The following BCLAF1 variants were observed in gnomAD, a reference collection of about 807,000 sequenced individuals.
The protein encoded by BCLAF1 is BCL2 associated transcription factor 1, also known as bcl-2-associated transcription factor 1.
In BCLAF1, 10 loss-of-function variants were observed where a neutral mutation model predicts 99.5. The ratio of observed to expected loss-of-function variants is 0.10; its 90% CI spans 0.06 to 0.17. BCLAF1 has a LOEUF of 0.17. Ranked by LOEUF, BCLAF1 falls within the 10% of genes least tolerant of loss-of-function variation. BCLAF1 has a pLI of 1.00. For missense variants in BCLAF1, 636 were observed against 1,105.8 expected (o/e 0.58, Z 6.02); for synonymous variants, 255 against 370.9 (o/e 0.69, Z 3.59).
At chr6:136,284,317 G>GT (rs1250893571) in intron 1 of BCLAF1, among the ~76,000 whole-genome samples, 1 of 151,592 alleles carries the variant, frequency 6.6e-6, no homozygotes, top group African/African-American at 2.4e-5. Flanking sequence ...ATATATTCAA[G>GT]TATCCACACC....
At chr6:136,267,688 A>G (rs1259432527) in intron 10 of BCLAF1, among the ~76,000 whole-genome samples, 1 of 151,972 alleles carries the variant, frequency 6.6e-6, no homozygotes. Context: ...AACGACTTAC[A>G]GAAACATGGG....
intron 1 of BCLAF1, among the ~76,000 whole-genome samples, chr6:136,284,040 T>A (rs746488116): frequency 7.3e-5 from 11 of 150,944 alleles, no homozygotes; most frequent in Non-Finnish European, 1.6e-4. Flanking sequence ...CTCCTAGAAG[T>A]GGTACAAGGC....
Position 136,276,043 on chromosome 6 carries a change from A to T in BCLAF1, c.1482T>A (p.Thr494=), listed in dbSNP as rs566817028. 6.2e-7 allele frequency: 1 copy of T among 1,605,036 alleles called. No homozygotes were observed. The highest frequency in any genetic ancestry group is 1.7e-4 in the Middle Eastern group (1 of 5,990). Residue 494 remains threonine, a synonymous_variant, in exon 5 of 13, where the codon ACT becomes ACA. Transcript: ENST00000531224. ...CAGACTTTACCTGCTCAGGTGACTG[A>T]GTTTCTTTCTTTACTGTTATTCTTT... ...NSERITVKKE[T]QSPEQVKSEK... is the part of the protein sequence containing the mutation.
chr6:136,272,289 T>C (rs988632022), intron 7 of BCLAF1, among the ~76,000 whole-genome samples: 1 of 151,934 alleles, frequency 6.6e-6, no homozygotes, highest in Non-Finnish European at 1.5e-5. Context: ...TATTTTTATA[T>C]AGAAGTGAAG....
At chr6:136,273,282 T>C in intron 6 of BCLAF1, 95 bp from the exon 7 acceptor site, 2 of 1,054,802 alleles carry the variant, frequency 1.9e-6, no homozygotes, top group Non-Finnish European at 2.8e-6. Context: ...GAAAAGAAAA[T>C]AAAAATAAGA....
At chr6:136,281,791 A>G (rs191669636) in intron 2 of BCLAF1, among the ~76,000 whole-genome samples, 57 of 152,338 alleles carry the variant, frequency 3.7e-4, no homozygotes, top group Non-Finnish European at 6.0e-4. Context: ...GGAATTCTGT[A>G]GGCTTTTTCA....
At chr6:136,267,996 T>G (rs1398036520) in intron 10 of BCLAF1, among the ~76,000 whole-genome samples, 166 bp downstream of exon 10, 1 of 151,942 alleles carries the variant, frequency 6.6e-6, no homozygotes, top group African/African-American at 2.4e-5. Context: ...ATGGCATTTC[T>G]AAATGAAGAC....
At chr6:136,288,487 A>G (rs530902945) in intron 1 of BCLAF1, among the ~76,000 whole-genome samples, 162 of 152,340 alleles carry the variant, frequency 1.1e-3, no homozygotes, top group African/African-American at 3.8e-3. Flanking sequence ...TTCCAACTAA[A>G]GTCGAACTGA....
At chr6:136,268,024 T>C (rs1374397442) in intron 10 of BCLAF1, 138 bp downstream of exon 10, 1 of 854,924 alleles carries the variant, frequency 1.2e-6, no homozygotes, top group Non-Finnish European at 1.7e-6. Context: ...CAAACACCAC[T>C]TCATGTTTCA....
chr6:136,278,781 A>G lies in BCLAF1; in HGVS notation c.105-5T>C. 2.0e-6 allele frequency: 3 copies of G among 1,500,014 alleles called. No individual in the cohort carries two copies. The highest frequency in any genetic ancestry group is 8.9e-7 in the Non-Finnish European group (1 of 1,127,508). 92.9% of individuals were successfully genotyped at this position (1,500,014 alleles called of 1,614,324 possible). On this transcript the variant is annotated splice_region_variant and splice_polypyrimidine_tract_variant and intron_variant, in intron 3 of 12. Coordinates refer to ENST00000531224, the MANE Select transcript of BCLAF1 (RefSeq NM_014739.3). ...GTTCTGGAACGAGACCTAGAACTAA[A>G]AATGAAATAAATATCAATGCAAGAA...
At chr6:136,283,224 T>C (rs1584101595) in intron 1 of BCLAF1, among the ~76,000 whole-genome samples, 1 of 151,088 alleles carries the variant, frequency 6.6e-6, no homozygotes, top group African/African-American at 2.4e-5. Context: ...TAGTTAATTT[T>C]CATAATGCTC....
intron 3 of BCLAF1, 81 bp from the exon 4 acceptor site, chr6:136,278,857 T>C (rs1313366553): frequency 7.7e-7 from 1 of 1,301,500 alleles, no homozygotes; most frequent in Admixed American, 2.9e-5. Flanking sequence ...GAATATAACA[T>C]GTAAATAAAC....
chr6:136,278,246 A>G lies in BCLAF1; in HGVS notation c.635T>C (p.Ile212Thr). 1.2e-6 allele frequency: 2 copies of G among 1,614,150 alleles called. No individual in the cohort carries two copies. The highest frequency in any genetic ancestry group is 1.7e-6 in the Non-Finnish European group (2 of 1,179,996). ...FNKSSATSGDIWPGLSAYDNS... is the reference protein window; with the variant it reads ...FNKSSATSGDTWPGLSAYDNS... Reference sequence around the variant, plus strand: ...ATCATAAGCTGAAAGGCCAGGCCAAATATCACCGGATGTGGCTGATGACTT... The same window carrying G: ...ATCATAAGCTGAAAGGCCAGGCCAAGTATCACCGGATGTGGCTGATGACTT... Residue 212 changes from isoleucine to threonine, a missense_variant, in exon 4 of 13, where the codon ATT becomes ACT. Coordinates refer to ENST00000531224, the MANE Select transcript of BCLAF1 (RefSeq NM_014739.3).
chr6:136,269,741 T>C lies in BCLAF1; in HGVS notation c.2044-129A>G, dbSNP rs1015032828. On this transcript the variant is annotated intron_variant, in intron 8 of 12. Transcript: ENST00000531224. ...TTTAGTATCAGAAAATAATGAATCA[T>C]ATAAGATACTATCACTTAGTTTTTG... 2.9e-5 allele frequency: 17 copies of C among 590,318 alleles called. No individual in the cohort carries two copies. In the South Asian group the frequency reaches 6.3e-4, roughly 22 times the overall value. 36.6% of individuals were successfully genotyped at this position (590,318 alleles called of 1,614,324 possible). A position where few individuals can be genotyped will look rare whatever the true frequency, so the allele number is the denominator to read the frequency against.
At chr6:136,262,837 C>T (rs1231343150) in intron 11 of BCLAF1, among the ~76,000 whole-genome samples, 1 of 152,078 alleles carries the variant, frequency 6.6e-6, no homozygotes, top group African/African-American at 2.4e-5. Flanking sequence ...GATTTTTACA[C>T]AATACACCAT....
intron 6 of BCLAF1, chr6:136,273,439 GTC>G (rs1782829554): frequency 2.7e-6 from 1 of 371,238 alleles, no homozygotes; most frequent in Non-Finnish European, 4.9e-6. Flanking sequence ...TAAATCAAGA[GTC>G]TCTAATTCCA....
At chr6:136,277,728 A>G in intron 4 of BCLAF1, 137 bp downstream of exon 4, 1 of 1,131,644 alleles carries the variant, frequency 8.8e-7, no homozygotes, top group Non-Finnish European at 1.2e-6. Flanking sequence ...AACAATTTGG[A>G]ATTATCTTAA....
Position 136,260,960 on chromosome 6 carries a change from A to C in BCLAF1, c.*150T>G, listed in dbSNP as rs904721825. 1.3e-6 allele frequency: 1 copy of C among 756,402 alleles called. No individual in the cohort carries two copies. 46.9% of individuals were successfully genotyped at this position (756,402 alleles called of 1,614,324 possible). A position where few individuals can be genotyped will look rare whatever the true frequency, so the allele number is the denominator to read the frequency against. On this transcript the variant is annotated 3_prime_UTR_variant, in exon 13 of 13. Transcript: ENST00000531224. The stretch of plus-strand genomic sequence containing the variant: ...AACATACAGTCTACTATTTCTCAAG[A>C]TATTTGAAGACTTAAAACAAAATTT...
chr6:136,281,905 A>T (rs1057222267), intron 2 of BCLAF1, among the ~76,000 whole-genome samples: 2 of 152,264 alleles, frequency 1.3e-5, no homozygotes, highest in African/African-American at 2.4e-5. Context: ...TTTTTAAAGC[A>T]GCAAGTTCAT....
Sources: allele counts gnomAD v4.1 joint callset (sites outside exome capture counted in the v4.1 genomes callset), GRCh38; gene constraint gnomAD v4.1.1; transcripts MANE v1.5; gene names NCBI Gene and HGNC (gene_info 2026-07-23, HGNC 2026-07-21).